The following SIN3A variants were observed in gnomAD, a reference collection of about 807,000 sequenced individuals.
The protein encoded by SIN3A is SIN3 transcription regulator family member A, also known as paired amphipathic helix protein Sin3a.
A neutral mutation model predicts 146.1 loss-of-function variants in SIN3A; 14 were observed. That is an observed-to-expected ratio of 0.10 (90% CI 0.06 to 0.15). SIN3A has a LOEUF of 0.15. Among genes scored for constraint, SIN3A ranks in the 10% least tolerant of loss-of-function variants. SIN3A has a pLI of 1.00. For missense variants in SIN3A, 1,028 were observed against 1,576.0 expected (o/e 0.65, Z 5.89); for synonymous variants, 572 against 572.0 (o/e 1.00, Z 0.00).
Position 75,392,370 on chromosome 15 carries a change from C to T in SIN3A, c.2723G>A (p.Arg908Gln), listed in dbSNP as rs749490401. 1.2e-6 allele frequency: 2 copies of T among 1,614,094 alleles called. No homozygotes were observed. Among genetic ancestry groups the T allele is most frequent in the Non-Finnish European group, 1.7e-6 (2 of 1,180,054 alleles). ...TTGCCGTTCGGCTTGGGAACAAATC[C>T]GTAGCAGCCTCAGGCAGAGAATCTG... ...LHQILCLRLL[R>Q]ICSQAERQIE... The change falls in exon 15 of 21, where the codon CGG becomes CAG. Residue 908 changes from arginine to glutamine, a missense_variant. By Grantham distance (43) the Arg-to-Gln change is conservative. Coordinates refer to ENST00000394947, the MANE Select transcript of SIN3A (RefSeq NM_001145358.2).
At chr15:75,438,800 G>C (rs977399758) in intron 1 of SIN3A, among the ~76,000 whole-genome samples, 67 of 152,092 alleles carry the variant, frequency 4.4e-4, no homozygotes, top group African/African-American at 1.5e-3. Context: ...GCATATTCTT[G>C]AAACAATGGA....
chr15:75,408,152 C>T (rs933485055), intron 8 of SIN3A, among the ~76,000 whole-genome samples: 3 of 152,070 alleles, frequency 2.0e-5, no homozygotes, highest in African/African-American at 7.2e-5. Flanking sequence ...AGAAAGTAGG[C>T]GGAGAATTTT....
intron 2 of SIN3A, among the ~76,000 whole-genome samples, chr15:75,424,670 T>C (rs909193150): frequency 5.3e-5 from 8 of 152,086 alleles, no homozygotes; most frequent in Non-Finnish European, 1.2e-4. Context: ...AAACAGGGTT[T>C]CAACATGTTG....
chr15:75,443,439 G>C (rs577576462), intron 1 of SIN3A, among the ~76,000 whole-genome samples: 1 of 152,228 alleles, frequency 6.6e-6, no homozygotes, highest in African/African-American at 2.4e-5. Flanking sequence ...CTGTAGGCTG[G>C]GCATGCTGGC....
At position 75,400,799 on chromosome 15, in the gene SIN3A, G is replaced by A; in HGVS notation, c.1668C>T (p.Ser556=). The change falls in exon 11 of 21, where the codon TCC becomes TCT. Residue 556 remains serine (S), a synonymous_variant. Transcript: ENST00000394947. ...IDYASCKRLG[S]SYRALPKSYQ... The stretch of plus-strand genomic sequence containing the variant: ...AACTCTTTGGTAAGGCTCGATAGCT[G>A]GAGCCCAATCGTTTACAAGAAGCAT... The A allele has an allele frequency of 6.2e-7, 1 of 1,614,040 alleles. No individual in the cohort carries two copies. The highest frequency in any genetic ancestry group is 1.1e-5 in the South Asian group (1 of 91,070).
At chr15:75,438,813 G>C (rs1244071970) in intron 1 of SIN3A, among the ~76,000 whole-genome samples, 1 of 152,166 alleles carries the variant, frequency 6.6e-6, no homozygotes, top group African/African-American at 2.4e-5. Context: ...ACAATGGAAA[G>C]TTTCTCTTCA....
chr15:75,390,800 T>C (rs1210679941), intron 15 of SIN3A, among the ~76,000 whole-genome samples: 1 of 152,174 alleles, frequency 6.6e-6, no homozygotes, highest in African/African-American at 2.4e-5. Flanking sequence ...GGTCTCAAAC[T>C]CCTGGCCTCA....
chr15:75,383,020 G>A (rs2073003804), intron 17 of SIN3A, among the ~76,000 whole-genome samples: 1 of 152,048 alleles, frequency 6.6e-6, no homozygotes, highest in Non-Finnish European at 1.5e-5. Context: ...CCAGGAGGCG[G>A]AGGTTGCAGT....
chr15:75,429,096 C>T (rs2073972311), intron 2 of SIN3A, among the ~76,000 whole-genome samples: 1 of 152,062 alleles, frequency 6.6e-6, no homozygotes, highest in South Asian at 2.1e-4. Context: ...GGACAATAGG[C>T]TATTTGTATT....
In SIN3A at chr15:75,394,667, AC is replaced by A. The variant is rs757388046; in HGVS notation, c.2277+12del. 11 of 1,588,808 alleles carry A rather than the reference AC, an allele frequency of 6.9e-6. No individual in the cohort carries two copies. The highest frequency in any genetic ancestry group is 6.9e-5 in the South Asian group (6 of 87,066). On this transcript the variant is annotated intron_variant, in intron 14 of 20. Transcript: ENST00000394947. ...CTAGAGTCCTCTCACAGATGCAGAA[AC>A]CCCCCGCTCACCTCATCATAGATAC...
intron 2 of SIN3A, among the ~76,000 whole-genome samples, chr15:75,426,381 A>G (rs772395677): frequency 1.3e-5 from 2 of 152,180 alleles, no homozygotes; most frequent in Non-Finnish European, 2.9e-5. Flanking sequence ...TTTTTATACT[A>G]AATTCCTAGA....
intron 2 of SIN3A, among the ~76,000 whole-genome samples, chr15:75,427,279 A>G (rs941365818): frequency 6.6e-6 from 1 of 152,130 alleles, no homozygotes; most frequent in Non-Finnish European, 1.5e-5. Flanking sequence ...AGGCTGGGGC[A>G]TGAGAATCAC....
chr15:75,437,319 C>T (rs886542080), intron 1 of SIN3A, among the ~76,000 whole-genome samples: 2 of 151,994 alleles, frequency 1.3e-5, no homozygotes, highest in East Asian at 1.9e-4. Flanking sequence ...ACATAGGCAG[C>T]GCCACCATAT....
chr15:75,403,861 C>A (rs369104608), intron 9 of SIN3A, among the ~76,000 whole-genome samples: 3 of 152,268 alleles, frequency 2.0e-5, no homozygotes, highest in African/African-American at 7.2e-5. Flanking sequence ...CCTCTCTTAA[C>A]ATGTTTACAG....
chr15:75,378,645 G>A (rs1306837558), intron 19 of SIN3A, among the ~76,000 whole-genome samples: 1 of 152,158 alleles, frequency 6.6e-6, no homozygotes, highest in African/African-American at 2.4e-5. Context: ...TGAAGGATCT[G>A]AAAATATTCC....
Position 75,371,814 on chromosome 15 carries a change from C to A in SIN3A, c.*165G>T. The stretch of plus-strand genomic sequence containing the variant: ...GTATTCATGTTCCTAACAGGTAGCC[C>A]ACTTGGTGCCAGGCTGCACCAGCCA... On this transcript the variant is annotated 3_prime_UTR_variant, in exon 21 of 21. Coordinates refer to ENST00000394947, the MANE Select transcript of SIN3A (RefSeq NM_001145358.2). 1.6e-6 allele frequency: 1 copy of A among 620,800 alleles called. No homozygotes were observed. Among genetic ancestry groups the A allele is most frequent in the Non-Finnish European group, 2.9e-6 (1 of 349,836 alleles). The allele number at this position is 620,800 out of a possible 1,614,324, so 38.5% of individuals were successfully genotyped here.
At position 75,451,480 on chromosome 15, in the gene SIN3A, T is replaced by A. The variant is rs1395922132; in HGVS notation, c.-91A>T. 2 of 147,270 alleles carry A rather than the reference T, an allele frequency of 1.4e-5. No homozygotes were observed. The highest frequency in any genetic ancestry group is 1.3e-4 in the Admixed American group (2 of 14,884). The allele number at this position is 147,270 out of a possible 1,614,324, so 9.1% of individuals were successfully genotyped here. A position where few individuals can be genotyped will look rare whatever the true frequency, so the allele number is the denominator to read the frequency against. ...GTCCCTCTCAGCGTGAGCCGCGAGC[T>A]CAGCAGGGAGGCCCCGAGAACGGCG... is the stretch of plus-strand genomic sequence containing the variant. On this transcript the variant is annotated 5_prime_UTR_variant, in exon 1 of 21. Coordinates refer to ENST00000394947, the MANE Select transcript of SIN3A (RefSeq NM_001145358.2).
chr15:75,454,879 C>G (rs1353314668), upstream of SIN3A: 1 of 152,358 alleles, frequency 6.6e-6, no homozygotes, highest in Non-Finnish European at 1.5e-5. Context: ...CGCCGAGTTT[C>G]TGGGGGTTTT....
chr15:75,402,842 C>T (rs937540358), intron 9 of SIN3A, among the ~76,000 whole-genome samples: 8 of 151,986 alleles, frequency 5.3e-5, no homozygotes, highest in African/African-American at 1.9e-4. Flanking sequence ...ACCGTATTGG[C>T]TAGGCTAGTC....
Sources: allele counts gnomAD v4.1 joint callset (sites outside exome capture counted in the v4.1 genomes callset), GRCh38; gene constraint gnomAD v4.1.1; transcripts MANE v1.5; gene names NCBI Gene and HGNC (gene_info 2026-07-23, HGNC 2026-07-21).